Variants in ZNG1A observed in about 807,000 individuals in gnomAD.
The protein encoded by ZNG1A is Zn regulated GTPase metalloprotein activator 1A.
chr9:143,207 A>G, the ZNG1A span, among the ~76,000 whole-genome samples: 1 of 148,790 alleles, frequency 6.7e-6, no homozygotes, highest in African/African-American at 2.5e-5. Flanking sequence ...GGCCAGCATC[A>G]TCCTGATACC....
At chr9:137,367 GA>G in the ZNG1A span, among the ~76,000 whole-genome samples, 11,689 of 94,510 alleles carry the variant, frequency 0.12, 300 homozygotes, top group Admixed American at 0.17. Flanking sequence ...TCTCCAAGGG[GA>G]AAAAAAAAAA....
At chr9:169,248 A>G in the ZNG1A span, among the ~76,000 whole-genome samples, 4 of 151,414 alleles carry the variant, frequency 2.6e-5, no homozygotes, top group Non-Finnish European at 4.4e-5. Context: ...CCAGACTTCA[A>G]TGGAGGAAAT....
chr9:138,121 G>C, the ZNG1A span, among the ~76,000 whole-genome samples: 1 of 151,934 alleles, frequency 6.6e-6, no homozygotes, highest in South Asian at 2.1e-4. Context: ...AATGGAACTA[G>C]AAAAGCAAAA....
At chr9:144,691 C>T in the ZNG1A span, among the ~76,000 whole-genome samples, 1 of 151,882 alleles carries the variant, frequency 6.6e-6, no homozygotes, top group Non-Finnish European at 1.5e-5. Context: ...CCAAAATTGA[C>T]AGATGGGATC....
chr9:129,251 G>A, the ZNG1A span, among the ~76,000 whole-genome samples: 1 of 152,110 alleles, frequency 6.6e-6, no homozygotes, highest in East Asian at 1.9e-4. Flanking sequence ...CCAAAAACAT[G>A]AGATATTTAA....
chr9:143,073 G>C, the ZNG1A span, among the ~76,000 whole-genome samples: 4 of 145,898 alleles, frequency 2.7e-5, no homozygotes, highest in Admixed American at 6.9e-5. Context: ...ACCAAAAAGA[G>C]TCCAGGACCA....
the ZNG1A span, chr9:154,923 A>G: frequency 1.0e-6 from 1 of 954,210 alleles, no homozygotes; most frequent in Non-Finnish European, 1.5e-6. Flanking sequence ...TCAATATATC[A>G]GTTAAGAATT....
chr9:168,467 T>C, the ZNG1A span, among the ~76,000 whole-genome samples: 1 of 151,100 alleles, frequency 6.6e-6, no homozygotes, highest in Non-Finnish European at 1.5e-5. Context: ...TTGGCCAGGC[T>C]GGTCTTGAAC....
chr9:151,364 A>G, the ZNG1A span: 1 of 980,906 alleles, frequency 1.0e-6, no homozygotes, highest in Non-Finnish European at 1.2e-6. Context: ...GAGTGGAACT[A>G]GACTGCCAGC....
the ZNG1A span, among the ~76,000 whole-genome samples, chr9:168,522 G>C: frequency 6.6e-6 from 1 of 150,510 alleles, no homozygotes; most frequent in Admixed American, 6.6e-5. Context: ...AAAGTGCTGA[G>C]ATTACAGGCA....
the ZNG1A span, among the ~76,000 whole-genome samples, chr9:142,851 A>T: frequency 0.075 from 7,122 of 94,796 alleles, 245 homozygotes; most frequent in East Asian, 0.18. Context: ...ATAAAAAATG[A>T]TAAAGGGGAT....
the ZNG1A span, among the ~76,000 whole-genome samples, chr9:136,125 G>A: frequency 1.3e-5 from 1 of 79,620 alleles, no homozygotes; most frequent in African/African-American, 3.7e-5. Context: ...ATCTAACAAC[G>A]AACATTTAAG....
chr9:160,116 C>G, the ZNG1A span: 2,587 of 454,680 alleles, frequency 5.7e-3, 55 homozygotes, highest in African/African-American at 0.046. Context: ...AGAGAGCTGT[C>G]ATTTTAAGTT....
chr9:131,834 C>T, the ZNG1A span, among the ~76,000 whole-genome samples: 196 of 149,580 alleles, frequency 1.3e-3, 1 homozygote, highest in Non-Finnish European at 2.3e-3. Flanking sequence ...GCTTACATAA[C>T]ACTCCTAGAC....
the ZNG1A span, chr9:172,182 A>G: frequency 1.2e-6 from 2 of 1,610,502 alleles, no homozygotes; most frequent in South Asian, 1.1e-5. Flanking sequence ...CCTGGAGAAT[A>G]CCAAAACATA....
the ZNG1A span, chr9:146,335 A>C: frequency 5.2e-6 from 3 of 580,884 alleles, no homozygotes; most frequent in Non-Finnish European, 8.5e-6. Context: ...TTATTACTTC[A>C]ATGAATTAGG....
At chr9:145,023 C>G in the ZNG1A span, among the ~76,000 whole-genome samples, 1 of 149,260 alleles carries the variant, frequency 6.7e-6, no homozygotes, top group African/African-American at 2.5e-5. Flanking sequence ...GTTAGAATGG[C>G]AATCATTAAA....
chr9:172,358 G>A, the ZNG1A span: 3 of 619,408 alleles, frequency 4.8e-6, no homozygotes, highest in East Asian at 2.9e-5. Context: ...AACAATAGAT[G>A]CATATATATA....
At chr9:136,969 G>C in the ZNG1A span, among the ~76,000 whole-genome samples, 1 of 148,418 alleles carries the variant, frequency 6.7e-6, no homozygotes, top group Non-Finnish European at 1.5e-5. Flanking sequence ...TTGAGTCCAG[G>C]AGTTCACGAC....
Sources: gnomAD v4.1 joint callset for allele counts (sites outside exome capture counted in the v4.1 genomes callset) on GRCh38, gnomAD v4.1.1 for gene constraint, MANE v1.5 for transcripts, NCBI Gene and HGNC (gene_info 2026-07-23, HGNC 2026-07-21) for gene names.